The following RALYL variants were observed in gnomAD, a reference collection of about 807,000 sequenced individuals.
The protein encoded by RALYL is RALY RNA binding protein like.
RALYL carries 29 observed loss-of-function variants against 35.1 expected under a neutral mutation model. The ratio of observed to expected loss-of-function variants is 0.83; its 90% CI spans 0.61 to 1.13. The LOEUF (loss-of-function observed/expected upper bound fraction) is 1.13. RALYL is among the 50% of genes most tolerant of loss of function. The pLI, the probability that RALYL is intolerant of heterozygous loss-of-function variation, is 0.00. For synonymous variants in RALYL, 120 were observed against 127.6 expected, an observed-to-expected ratio of 0.94 and a Z score of 0.40; for missense variants, 359 against 360.4, an observed-to-expected ratio of 1.00 and a Z score of 0.03.
At chr8:84,358,234 T>C (rs147846785) in intron 1 of RALYL, among the ~76,000 whole-genome samples, 1 of 152,046 alleles carries the variant, frequency 6.6e-6, no homozygotes, top group African/African-American at 2.4e-5. Context: ...GTCATGGTCA[T>C]AAAATTTCTT....
chr8:84,689,573 A>C (rs1485292776), intron 2 of RALYL, among the ~76,000 whole-genome samples: 4 of 152,168 alleles, frequency 2.6e-5, no homozygotes, highest in Admixed American at 1.3e-4. Context: ...CATGATTTAT[A>C]GTCCTTTGGG....
chr8:84,235,892 G>A (rs1586426451), intron 1 of RALYL, among the ~76,000 whole-genome samples: 1 of 149,948 alleles, frequency 6.7e-6, no homozygotes, highest in Non-Finnish European at 1.5e-5. Context: ...TCAGCCTCCC[G>A]AGTAGCTGGG....
intron 2 of RALYL, among the ~76,000 whole-genome samples, chr8:84,708,670 A>G (rs1223204116): frequency 6.6e-6 from 1 of 152,152 alleles, no homozygotes; most frequent in Non-Finnish European, 1.5e-5. Flanking sequence ...TTATACATAT[A>G]TAATAACAAA....
At chr8:84,417,338 C>A (rs1426162149) in intron 1 of RALYL, among the ~76,000 whole-genome samples, 4 of 152,038 alleles carry the variant, frequency 2.6e-5, no homozygotes, top group Non-Finnish European at 4.4e-5. Context: ...AAGGTAGGAT[C>A]CTCCTTGGAG....
At chr8:84,559,612 G>A (rs963532690) in intron 2 of RALYL, among the ~76,000 whole-genome samples, 17 of 152,104 alleles carry the variant, frequency 1.1e-4, no homozygotes, top group African/African-American at 4.1e-4. Flanking sequence ...TTAGAAATCA[G>A]GAATGGCGTA....
At chr8:84,441,791 G>T (rs151215827) in intron 1 of RALYL, among the ~76,000 whole-genome samples, 1 of 151,968 alleles carries the variant, frequency 6.6e-6, no homozygotes, top group Non-Finnish European at 1.5e-5. Context: ...TTCAAAATAG[G>T]GGTTTTCATT....
chr8:84,820,591 T>C (rs1033231230), intron 4 of RALYL, among the ~76,000 whole-genome samples: 1 of 152,080 alleles, frequency 6.6e-6, no homozygotes, highest in African/African-American at 2.4e-5. Context: ...AACATGCAGG[T>C]GTGTTGCATA....
intron 2 of RALYL, among the ~76,000 whole-genome samples, chr8:84,709,592 T>G (rs530577574): frequency 1.3e-5 from 2 of 151,844 alleles, no homozygotes; most frequent in South Asian, 4.1e-4. Context: ...CAGCCCTCAT[T>G]ATGTTTTGGT....
rs188141408 is a variant in RALYL at position 84,269,508 on chromosome 8, G to C, written c.-24+85084G>C. On this transcript the variant is annotated intron_variant, in intron 1 of 8. Coordinates refer to ENST00000521268, the MANE Select transcript of RALYL (RefSeq NM_173848.7). ...TTTGTTTTGGCTCTCTGTTCTTTCA[G>C]TTTCAATTCCATTATCTATTTTAAG... 2.1e-3 allele frequency among the ~76,000 whole-genome samples: 321 copies of C among 152,198 alleles called. 1 individual carries two copies. Among genetic ancestry groups the C allele is most frequent in the Non-Finnish European group, 3.6e-3 (246 of 67,990 alleles).
chr8:84,442,498 G>A (rs1294267371), intron 1 of RALYL, among the ~76,000 whole-genome samples: 1 of 152,036 alleles, frequency 6.6e-6, no homozygotes, highest in African/African-American at 2.4e-5. Flanking sequence ...AGGCTGTGAA[G>A]ACACAAAACC....
intron 1 of RALYL, among the ~76,000 whole-genome samples, chr8:84,341,106 G>T (rs1848701486): frequency 6.8e-6 from 1 of 147,072 alleles, no homozygotes; most frequent in South Asian, 2.1e-4. Context: ...CCATTTGTAT[G>T]TCATCTTTGG....
intron 2 of RALYL, among the ~76,000 whole-genome samples, chr8:84,687,238 A>T (rs1455572275): frequency 6.6e-6 from 1 of 152,152 alleles, no homozygotes; most frequent in East Asian, 1.9e-4. Context: ...AAATCAATTA[A>T]TAGTCACTTA....
chr8:84,389,363 T>C (rs1490854663), intron 1 of RALYL, among the ~76,000 whole-genome samples: 1 of 152,090 alleles, frequency 6.6e-6, no homozygotes, highest in African/African-American at 2.4e-5. Flanking sequence ...AAAGTAGTTT[T>C]TTCCAATTCT....
intron 1 of RALYL, among the ~76,000 whole-genome samples, chr8:84,516,720 T>A (rs983905286): frequency 3.3e-5 from 5 of 152,184 alleles, no homozygotes; most frequent in Admixed American, 6.5e-5. Context: ...GATATCCCAA[T>A]GCAAGAGGGT....
In RALYL at chr8:84,187,429, A is replaced by G. The variant is rs539257749; in HGVS notation, c.-24+3005A>G. Among the ~76,000 whole-genome samples, 14 of 152,172 alleles carry G rather than the reference A, an allele frequency of 9.2e-5. No homozygotes were observed. In the South Asian group the frequency reaches 2.5e-3, roughly 27 times the overall value. On this transcript the variant is annotated intron_variant, in intron 1 of 8. Coordinates refer to ENST00000521268, the MANE Select transcript of RALYL (RefSeq NM_173848.7). ...TAATTATTTTTCATATTTATTTTTT[A>G]TGGTCATAATCAAGTAACACCCTGA...
rs535495139 is a variant in RALYL, at chr8:84,840,734, A to T, written c.366-9246A>T. 1.2e-4 allele frequency among the ~76,000 whole-genome samples: 18 copies of T among 152,368 alleles called. No individual in the cohort carries two copies. The South Asian group carries it at 3.7e-3, about 32-fold the overall frequency. On this transcript the variant is annotated intron_variant, in intron 4 of 8. Coordinates refer to ENST00000521268, the MANE Select transcript of RALYL (RefSeq NM_173848.7). ...GCCAGAGAAAAAGGTAGGGTTACCCACAAAGGGAAGCCCATCAGACTAACA... is the reference window on the plus strand; with the variant it reads ...GCCAGAGAAAAAGGTAGGGTTACCCTCAAAGGGAAGCCCATCAGACTAACA...
At chr8:84,368,668 G>A (rs1563802275) in intron 1 of RALYL, among the ~76,000 whole-genome samples, 1 of 152,102 alleles carries the variant, frequency 6.6e-6, no homozygotes. Flanking sequence ...CCCTTATAAA[G>A]CCATCAGATC....
At chr8:84,514,665 C>T (rs1309044969) in intron 1 of RALYL, among the ~76,000 whole-genome samples, 3 of 152,114 alleles carry the variant, frequency 2.0e-5, no homozygotes, top group Non-Finnish European at 2.9e-5. Context: ...TTAATACTAC[C>T]ACATACGGGT....
intron 2 of RALYL, among the ~76,000 whole-genome samples, chr8:84,753,287 C>T (rs1363057553): frequency 6.6e-6 from 1 of 152,120 alleles, no homozygotes; most frequent in African/African-American, 2.4e-5. Context: ...CTCCATTGTA[C>T]TTTGAAAGTA....
Sources: gnomAD v4.1 joint callset for allele counts (sites outside exome capture counted in the v4.1 genomes callset) on GRCh38, gnomAD v4.1.1 for gene constraint, MANE v1.5 for transcripts, NCBI Gene and HGNC (gene_info 2026-07-23, HGNC 2026-07-21) for gene names.